Variants in ACAD9 observed in about 807,000 individuals in gnomAD.
ACAD9 encodes acyl-CoA dehydrogenase family member 9.
Under a neutral mutation model 70.2 loss-of-function variants are expected in ACAD9, and 53 were observed. The observed-to-expected ratio is 0.75, with a 90% CI of 0.61 to 0.95. ACAD9 has a LOEUF of 0.95. Among genes scored for constraint, ACAD9 ranks in the 40% least tolerant of loss-of-function variants. ACAD9 has a pLI of 0.00. For missense variants in ACAD9, 777 were observed against 802.8 expected (o/e 0.97, Z 0.39); for synonymous variants, 313 against 312.1 (o/e 1.00, Z -0.03).
At position 128,897,655 on chromosome 3, in the gene ACAD9, G is replaced by A. The variant is rs370743216; in HGVS notation, c.578G>A (p.Arg193Gln). ...PASGSDAASI[R>Q]SRATLSEDKK... The stretch of plus-strand genomic sequence containing the variant: ...AGTGGGAGCGATGCAGCCTCAATCC[G>A]GAGCAGAGCCACACTAAGTGAAGAC... Residue 193 changes from arginine (R) to glutamine (Q), a missense_variant, in exon 6 of 18, where the codon CGG becomes CAG. Arg to Gln is a conservative substitution (Grantham distance 43). Transcript: ENST00000308982. 1.7e-5 allele frequency: 27 copies of A among 1,613,678 alleles called. No homozygotes were observed. In the African/African-American group the frequency reaches 2.5e-4, roughly 15 times the overall value.
At chr3:128,908,123 G>T in intron 12 of ACAD9, 62 bp from the exon 13 acceptor site, 4 of 1,512,556 alleles carry the variant, frequency 2.6e-6, no homozygotes, top group Non-Finnish European at 3.7e-6. Context: ...CCCAGCACAC[G>T]TGGCACTACC....
chr3:128,899,312 C>T lies in ACAD9; in HGVS notation c.659C>T (p.Ala220Val). The change falls in exon 7 of 18, where the codon GCC (alanine) becomes GTC (valine). Residue 220 changes from alanine to valine, a missense_variant. By Grantham distance (64) the Ala-to-Val change is moderately conservative. Coordinates refer to ENST00000308982, the MANE Select transcript of ACAD9 (RefSeq NM_014049.5). ...SKVWITNGGL[A>V]NIFTVFAKTE... is the part of the protein sequence containing the mutation. ...GTCTGGATTACTAATGGAGGACTGG[C>T]CAATATTTTTACTGTGTTTGCAAAG... is the stretch of plus-strand genomic sequence containing the variant. 6.2e-7 allele frequency: 1 copy of T among 1,614,174 alleles called. No individual in the cohort carries two copies. Among genetic ancestry groups the T allele is most frequent in the Non-Finnish European group, 8.5e-7 (1 of 1,180,018 alleles).
Position 128,909,034 on chromosome 3 carries a change from T to C in ACAD9, c.1420T>C (p.Ser474Pro). Residue 474 changes from serine (S) to proline (P), a missense_variant, in exon 14 of 18, where the codon TCC becomes CCC. Ser to Pro is a moderately conservative substitution (Grantham distance 74, BLOSUM62 -1). Transcript: ENST00000308982. ...TACCGTTGGCCGGAGGCTTCGGGACTCCCTGGGCCGAACTGTGGACCTGGG... is the reference window on the plus strand; with the variant it reads ...TACCGTTGGCCGGAGGCTTCGGGACCCCCTGGGCCGAACTGTGGACCTGGG... Reference protein sequence around the residue: ...MDTVGRRLRDSLGRTVDLGLT... With the variant: ...MDTVGRRLRDPLGRTVDLGLT... The C allele has an allele frequency of 6.2e-7, 1 of 1,614,164 alleles. No individual in the cohort carries two copies. The highest frequency in any genetic ancestry group is 1.7e-5 in the Admixed American group (1 of 60,024).
chr3:128,907,187 G>T (rs980380866), intron 12 of ACAD9, among the ~76,000 whole-genome samples: 2 of 152,170 alleles, frequency 1.3e-5, no homozygotes, highest in Non-Finnish European at 2.9e-5. Flanking sequence ...ATCAGCCTCT[G>T]GGAGTGTAGT....
At chr3:128,912,341 T>C (rs1292984392) in intron 17 of ACAD9, among the ~76,000 whole-genome samples, 166 bp from the exon 18 acceptor site, 2 of 152,094 alleles carry the variant, frequency 1.3e-5, no homozygotes, top group African/African-American at 2.4e-5. Flanking sequence ...CCCCTTTCTC[T>C]CCCTGCAGCC....
intron 7 of ACAD9, 88 bp from the exon 8 acceptor site, chr3:128,901,188 A>G: frequency 8.3e-7 from 1 of 1,201,462 alleles, no homozygotes; most frequent in Non-Finnish European, 1.2e-6. Context: ...GGATGGATGG[A>G]TGGATGGATG....
intron 5 of ACAD9, among the ~76,000 whole-genome samples, chr3:128,897,330 C>CA: frequency 6.6e-6 from 1 of 152,054 alleles, no homozygotes. Flanking sequence ...TACAGGCATG[C>CA]CCCACCACAC....
At chr3:128,901,184 A>G in intron 7 of ACAD9, 92 bp from the exon 8 acceptor site, 2 of 1,155,514 alleles carry the variant, frequency 1.7e-6, no homozygotes, top group South Asian at 1.2e-5. Context: ...GGATGGATGG[A>G]TGGATGGATG....
chr3:128,897,797 G>C (rs1935609651), intron 6 of ACAD9, 87 bp downstream of exon 6: 1 of 1,210,874 alleles, frequency 8.3e-7, no homozygotes, highest in African/African-American at 1.5e-5. Flanking sequence ...ACCAGGGATT[G>C]TACCTGCTGC....
rs781096699 is a variant in ACAD9 at position 128,904,487 on chromosome 3, C to G, written c.1131C>G (p.Ile377Met). 5 of 1,613,994 alleles carry G rather than the reference C, an allele frequency of 3.1e-6. No homozygotes were observed. Among genetic ancestry groups the G allele is most frequent in the Non-Finnish European group, 4.2e-6 (5 of 1,180,040 alleles). Residue 377 changes from isoleucine (I) to methionine (M), a missense_variant, in exon 11 of 18, where the codon ATC becomes ATG. Ile to Met is a conservative substitution (Grantham distance 10). Transcript: ENST00000308982. ...AACCTGGCTTTCCCGACTGCTCCATCGAGGCAGCCATGGTGAAGGTAACCC... is the reference window on the plus strand; with the variant it reads ...AACCTGGCTTTCCCGACTGCTCCATGGAGGCAGCCATGGTGAAGGTAACCC... ...LDQPGFPDCS[I>M]EAAMVKVFSS... is the part of the protein sequence containing the mutation.
chr3:128,901,172 T>TTGGATGGATGGATGGATGGA lies in ACAD9; in HGVS notation c.809-93_809-74dup, dbSNP rs370353055. On this transcript the variant is annotated intron_variant, in intron 7 of 17. Transcript: ENST00000308982. Reference sequence around the variant, plus strand: ...TCTTTCTATACTGTCCTACCAAACATTGGATGGATGGATGGATGGATGGAT... The same window carrying TTGGATGGATGGATGGATGGA: ...TCTTTCTATACTGTCCTACCAAACATTGGATGGATGGATGGATGGATGGATGGATGGATGGATGGATGGAT... 667 of 1,076,522 alleles carry TTGGATGGATGGATGGATGGA rather than the reference T, an allele frequency of 6.2e-4. 5 individuals are homozygous for TTGGATGGATGGATGGATGGA. In the South Asian group the frequency reaches 7.4e-3, roughly 12 times the overall value. The allele number at this position is 1,076,522 out of a possible 1,614,324, so 66.7% of individuals were successfully genotyped here.
chr3:128,912,675 CTT>C lies in ACAD9; in HGVS notation c.*73_*74del, dbSNP rs112783991. 5.9e-6 allele frequency: 8 copies of C among 1,345,624 alleles called. No homozygotes were observed. Among genetic ancestry groups the C allele is most frequent in the Non-Finnish European group, 8.5e-6 (8 of 936,138 alleles). 83.4% of individuals were successfully genotyped at this position (1,345,624 alleles called of 1,614,324 possible). The stretch of plus-strand genomic sequence containing the variant: ...GGCCCGTTGCTGGATGACTGTTACT[CTT>C]TTTTCAGAAGGTGTTGGGATTATCA... On this transcript the variant is annotated 3_prime_UTR_variant, in exon 18 of 18. Transcript: ENST00000308982.
chr3:128,908,649 A>C, intron 13 of ACAD9: 1 of 531,156 alleles, frequency 1.9e-6, no homozygotes, highest in Non-Finnish European at 3.4e-6. Flanking sequence ...CTCCACCCCC[A>C]CCCTAGGGGC....
intron 13 of ACAD9, 111 bp from the exon 14 acceptor site, chr3:128,908,862 T>C (rs1293594917): frequency 1.9e-6 from 3 of 1,551,928 alleles, no homozygotes; most frequent in Non-Finnish European, 2.6e-6. Context: ...GGGCCCAGCA[T>C]ACCCAGGCCA....
At chr3:128,888,435 C>T (rs956393553) in intron 2 of ACAD9, among the ~76,000 whole-genome samples, 1 of 152,028 alleles carries the variant, frequency 6.6e-6, no homozygotes, top group African/African-American at 2.4e-5. Context: ...AAAAATTAAC[C>T]AGGTGTGTTG....
intron 1 of ACAD9, among the ~76,000 whole-genome samples, chr3:128,880,317 A>C (rs1312087839): frequency 6.6e-6 from 1 of 152,218 alleles, no homozygotes; most frequent in African/African-American, 2.4e-5. Context: ...CAAGGGTGGC[A>C]CAACCCAGCC....
intron 11 of ACAD9, among the ~76,000 whole-genome samples, chr3:128,904,980 A>G (rs1038849981): frequency 6.6e-6 from 1 of 152,028 alleles, no homozygotes; most frequent in Non-Finnish European, 1.5e-5. Flanking sequence ...CCCCATCTCT[A>G]CTAAAAACAC....
rs367569766 is a variant in ACAD9 at position 128,893,569 on chromosome 3, A to G, written c.259A>G (p.Ile87Val). The G allele has an allele frequency of 9.3e-6, 15 of 1,614,038 alleles. No homozygotes were observed. Among genetic ancestry groups the G allele is most frequent in the African/African-American group, 2.7e-5 (2 of 74,936 alleles). The change falls in exon 3 of 18, where the codon ATT (isoleucine) becomes GTT (valine). Residue 87 changes from isoleucine to valine, a missense_variant. By Grantham distance (29) the Ile-to-Val change is conservative. Transcript: ENST00000308982. ...FFTEEVDSRK[I>V]DQEGKIPDET... ...CCTCTTGGCAGTGGACTCCCGAAAA[A>G]TTGACCAGGAAGGGAAAATCCCAGA... is the stretch of plus-strand genomic sequence containing the variant.
chr3:128,910,660 G>T, intron 16 of ACAD9, 81 bp from the exon 17 acceptor site: 1 of 1,477,880 alleles, frequency 6.8e-7, no homozygotes. Context: ...TACCCAGTTT[G>T]GCTGATAGGC....
Sources: gnomAD v4.1 joint callset for allele counts (sites outside exome capture counted in the v4.1 genomes callset) on GRCh38, gnomAD v4.1.1 for gene constraint, MANE v1.5 for transcripts, NCBI Gene and HGNC (gene_info 2026-07-23, HGNC 2026-07-21) for gene names.